Variants in NCOA1 observed in about 807,000 individuals in gnomAD.
NCOA1 encodes the protein Hin-2 protein.
In NCOA1, 35 loss-of-function variants were observed where a neutral mutation model predicts 150.9. That is an observed-to-expected ratio of 0.23 (90% CI 0.18 to 0.31). The LOEUF (loss-of-function observed/expected upper bound fraction) is 0.31, where lower values mean the gene tolerates loss of function less well. Among genes scored for constraint, NCOA1 ranks in the 10% least tolerant of loss-of-function variants. The pLI, the probability that NCOA1 is intolerant of heterozygous loss-of-function variation, is 1.00. For missense variants in NCOA1, 1,491 were observed against 1,749.3 expected (o/e 0.85, Z 2.63); for synonymous variants, 590 against 630.0 (o/e 0.94, Z 0.95).
At chr2:24,529,582 C>T (rs1269436219) in intron 1 of NCOA1, among the ~76,000 whole-genome samples, 1 of 152,184 alleles carries the variant, frequency 6.6e-6, no homozygotes, top group Non-Finnish European at 1.5e-5. Flanking sequence ...AGCATTTCTG[C>T]CATCTTGGCC....
At chr2:24,611,818 C>T (rs1388050152) in intron 3 of NCOA1, among the ~76,000 whole-genome samples, 2 of 151,958 alleles carry the variant, frequency 1.3e-5, no homozygotes, top group African/African-American at 2.4e-5. Context: ...TTGTTATGTG[C>T]GGGATGGGTC....
intron 8 of NCOA1, among the ~76,000 whole-genome samples, chr2:24,690,636 A>AGT (rs1672620226): frequency 8.1e-6 from 1 of 122,984 alleles, no homozygotes; most frequent in Admixed American, 1.1e-4. Flanking sequence ...TGGGTGACAA[A>AGT]GTGAGATTCC....
chr2:24,658,799 G>A, intron 5 of NCOA1, 33 bp downstream of exon 5: 1 of 1,595,942 alleles, frequency 6.3e-7, no homozygotes, highest in Non-Finnish European at 8.6e-7. Context: ...ATTTTTGGCA[G>A]AGCTGCTTTA....
At chr2:24,557,099 C>G (rs761882637) in intron 1 of NCOA1, among the ~76,000 whole-genome samples, 1 of 149,520 alleles carries the variant, frequency 6.7e-6, no homozygotes, top group Non-Finnish European at 1.5e-5. Flanking sequence ...CAGCCACGCC[C>G]CATTCCCAAT....
chr2:24,498,332 C>T (rs1333224319), intron 1 of NCOA1, among the ~76,000 whole-genome samples: 3 of 151,990 alleles, frequency 2.0e-5, no homozygotes, highest in African/African-American at 7.3e-5. Flanking sequence ...GGAAATTAAC[C>T]GATAAAATAT....
intron 8 of NCOA1, among the ~76,000 whole-genome samples, chr2:24,691,087 C>A (rs1233641122): frequency 6.6e-6 from 1 of 152,148 alleles, no homozygotes; most frequent in African/African-American, 2.4e-5. Flanking sequence ...CAAGTTAAAA[C>A]CCCACTTACC....
intron 11 of NCOA1, among the ~76,000 whole-genome samples, chr2:24,699,897 C>T (rs1673072740): frequency 6.6e-6 from 1 of 152,184 alleles, no homozygotes; most frequent in Middle Eastern, 3.2e-3. Context: ...GTAATCCCAA[C>T]ACTTTGGGAG....
chr2:24,533,401 A>G (rs926269082), intron 1 of NCOA1, among the ~76,000 whole-genome samples: 1 of 152,190 alleles, frequency 6.6e-6, no homozygotes, highest in Non-Finnish European at 1.5e-5. Flanking sequence ...AATAGAGACA[A>G]TTTGACTTTC....
chr2:24,743,020 C>G (rs1418054138), intron 19 of NCOA1, among the ~76,000 whole-genome samples: 2 of 152,128 alleles, frequency 1.3e-5, no homozygotes, highest in East Asian at 1.9e-4. Context: ...CTTCCATTCT[C>G]TTTGTCCTGG....
At chr2:24,600,150 T>C (rs1457764746) in intron 3 of NCOA1, among the ~76,000 whole-genome samples, 2 of 152,234 alleles carry the variant, frequency 1.3e-5, no homozygotes, top group Non-Finnish European at 2.9e-5. Context: ...GTCTCAGAAG[T>C]TCGTCAAAGT....
intron 3 of NCOA1, among the ~76,000 whole-genome samples, chr2:24,623,538 T>G (rs1366559668): frequency 2.0e-5 from 3 of 152,204 alleles, no homozygotes; most frequent in African/African-American, 7.2e-5. Context: ...GAAATATGTA[T>G]CTAGGGCAAA....
intron 2 of NCOA1, among the ~76,000 whole-genome samples, chr2:24,569,872 AAAAAAAAAAG>A (rs1666670522): frequency 6.6e-6 from 1 of 150,766 alleles, no homozygotes; most frequent in South Asian, 2.1e-4. Flanking sequence ...TCCGTCTGAA[AAAAAAAAAAG>A]AAAAAAAAAG....
intron 1 of NCOA1, among the ~76,000 whole-genome samples, chr2:24,542,512 G>A (rs1395425653): frequency 2.6e-5 from 4 of 152,154 alleles, no homozygotes; most frequent in African/African-American, 9.7e-5. Flanking sequence ...GCTAAACAAG[G>A]ATATAAAATA....
chr2:24,723,319 C>T (rs11693308), intron 14 of NCOA1, among the ~76,000 whole-genome samples: 24,581 of 152,076 alleles, frequency 0.16, 2,411 homozygotes, highest in Non-Finnish European at 0.22. Context: ...AGCTGTACAA[C>T]TTCTTACAGT....
At chr2:24,657,583 AT>A (rs1190429742) in intron 4 of NCOA1, among the ~76,000 whole-genome samples, 1 of 152,242 alleles carries the variant, frequency 6.6e-6, no homozygotes, top group Non-Finnish European at 1.5e-5. Flanking sequence ...ACACCAAAAA[AT>A]ATGACAGTCA....
chr2:24,526,220 T>G (rs537516722), intron 1 of NCOA1, among the ~76,000 whole-genome samples: 1 of 152,312 alleles, frequency 6.6e-6, no homozygotes, highest in South Asian at 2.1e-4. Flanking sequence ...TTAGAATGGG[T>G]CTGTTTAATC....
intron 10 of NCOA1, among the ~76,000 whole-genome samples, chr2:24,696,222 G>A (rs7572118): frequency 1.3e-4 from 20 of 152,048 alleles, no homozygotes; most frequent in South Asian, 1.0e-3. Flanking sequence ...TTCAAGACCC[G>A]AAGTTAAAAA....
chr2:24,596,329 A>G (rs1667883629), intron 3 of NCOA1, among the ~76,000 whole-genome samples: 1 of 152,156 alleles, frequency 6.6e-6, no homozygotes, highest in South Asian at 2.1e-4. Context: ...GGTTTGGTTA[A>G]TATTGGGAAA....
intron 7 of NCOA1, among the ~76,000 whole-genome samples, chr2:24,678,351 A>G (rs556823459): frequency 6.6e-6 from 1 of 152,284 alleles, no homozygotes; most frequent in South Asian, 2.1e-4. Context: ...ATGAACATAC[A>G]TGTGCATGTA....
Sources: allele counts gnomAD v4.1 joint callset (sites outside exome capture counted in the v4.1 genomes callset), GRCh38; gene constraint gnomAD v4.1.1; transcripts MANE v1.5; gene names NCBI Gene and HGNC (gene_info 2026-07-23, HGNC 2026-07-21).